The following PRPF3 variants were observed in gnomAD, a reference collection of about 807,000 sequenced individuals.
The protein encoded by PRPF3 is pre-mRNA processing factor 3.
Under a neutral mutation model 89.2 loss-of-function variants are expected in PRPF3, and 3 were observed. The observed-to-expected ratio is 0.03, with a 90% CI of 0.02 to 0.09. The LOEUF is 0.09. Among genes scored for constraint, PRPF3 ranks in the 10% least tolerant of loss-of-function variants. The pLI, the probability that PRPF3 is intolerant of heterozygous loss-of-function variation, is 1.00. For missense variants in PRPF3, 463 were observed against 828.8 expected (o/e 0.56, Z 5.42); for synonymous variants, 270 against 289.1 (o/e 0.93, Z 0.67).
At chr1:150,336,708 A>T (rs1374847547) in intron 7 of PRPF3, among the ~76,000 whole-genome samples, 1 of 151,998 alleles carries the variant, frequency 6.6e-6, no homozygotes, top group Non-Finnish European at 1.5e-5. Flanking sequence ...GTGAGCTGAG[A>T]TCGCACCACT....
intron 6 of PRPF3, 104 bp from the exon 7 acceptor site, chr1:150,334,831 A>T: frequency 7.1e-7 from 1 of 1,409,410 alleles, no homozygotes; most frequent in Non-Finnish European, 9.8e-7. Flanking sequence ...GGCCTCCCAA[A>T]ATGCTGTGGT....
At chr1:150,344,400 T>A (rs1553872342) in intron 11 of PRPF3, 34 bp from the exon 12 acceptor site, 7 of 1,614,174 alleles carry the variant, frequency 4.3e-6, no homozygotes, top group Non-Finnish European at 5.9e-6. Context: ...TTCAATGCCT[T>A]TCTCACTTGT....
chr1:150,347,722 C>T (rs1553873305), intron 14 of PRPF3, among the ~76,000 whole-genome samples: 1 of 149,462 alleles, frequency 6.7e-6, no homozygotes, highest in African/African-American at 2.5e-5. Flanking sequence ...AGCAAGACTC[C>T]ATCTCAAAAA....
chr1:150,338,378 T>G (rs782002951), intron 8 of PRPF3, 52 bp downstream of exon 8: 1 of 1,551,192 alleles, frequency 6.4e-7, no homozygotes, highest in Non-Finnish European at 8.9e-7. Flanking sequence ...TCAGCTGAGT[T>G]TAAGACTCAA....
chr1:150,339,769 A>G (rs1282912306), intron 8 of PRPF3, among the ~76,000 whole-genome samples: 1 of 134,350 alleles, frequency 7.4e-6, no homozygotes, highest in African/African-American at 2.9e-5. Flanking sequence ...TTTAAGACAG[A>G]GTCTCACTCT....
chr1:150,343,509 C>A, intron 10 of PRPF3, 57 bp downstream of exon 10: 1 of 1,590,540 alleles, frequency 6.3e-7, no homozygotes, highest in African/African-American at 1.3e-5. Flanking sequence ...TGTCTTTAAT[C>A]CTGGAGGAAC....
chr1:150,349,049 A>G, intron 14 of PRPF3, 108 bp from the exon 15 acceptor site: 1 of 935,898 alleles, frequency 1.1e-6, no homozygotes, highest in Admixed American at 1.7e-5. Flanking sequence ...CACTTGGTCC[A>G]ACACATAAAA....
intron 7 of PRPF3, 56 bp from the exon 8 acceptor site, chr1:150,338,104 A>G (rs1168395378): frequency 8.6e-5 from 136 of 1,575,848 alleles, no homozygotes; most frequent in Non-Finnish European, 1.1e-4. Flanking sequence ...GATTCTACAC[A>G]TTCTGTTTTC....
intron 12 of PRPF3, among the ~76,000 whole-genome samples, chr1:150,344,875 C>CT (rs1353633419): frequency 1.5e-4 from 22 of 145,178 alleles, no homozygotes; most frequent in Non-Finnish European, 2.7e-4. Flanking sequence ...CATCCTATTT[C>CT]TTTTTTTTTT....
intron 9 of PRPF3, 137 bp from the exon 10 acceptor site, chr1:150,343,172 G>A: frequency 2.5e-6 from 1 of 403,892 alleles, no homozygotes; most frequent in Non-Finnish European, 3.8e-6. Context: ...AACCCAGGAG[G>A]CAGAGGCTAC....
At chr1:150,347,287 C>G (rs1290973987) in intron 14 of PRPF3, among the ~76,000 whole-genome samples, 2 of 151,680 alleles carry the variant, frequency 1.3e-5, no homozygotes, top group Non-Finnish European at 2.9e-5. Flanking sequence ...CACACACACA[C>G]ACATACATAC....
At chr1:150,333,580 A>T (rs1394966797) in intron 6 of PRPF3, among the ~76,000 whole-genome samples, 1 of 151,996 alleles carries the variant, frequency 6.6e-6, no homozygotes, top group Non-Finnish European at 1.5e-5. Flanking sequence ...CAAACAAAAT[A>T]TTACTGATCC....
At position 150,332,680 on chromosome 1, in the gene PRPF3, G is replaced by C; in HGVS notation, c.424-4G>C. The C allele has an allele frequency of 6.2e-7, 1 of 1,614,054 alleles. No homozygotes were observed. Among genetic ancestry groups the C allele is most frequent in the Non-Finnish European group, 8.5e-7 (1 of 1,179,946 alleles). On this transcript the variant is annotated splice_region_variant and splice_polypyrimidine_tract_variant and intron_variant, in intron 4 of 15. Transcript: ENST00000324862. ...AGTTTTTCAATTTTTTTCCTGGAGAGCAGATCAAACAGATGATGGAGGCAG... is the reference window on the plus strand; with the variant it reads ...AGTTTTTCAATTTTTTTCCTGGAGACCAGATCAAACAGATGATGGAGGCAG...
chr1:150,349,267 T>C, intron 15 of PRPF3, 49 bp downstream of exon 15: 1 of 1,286,484 alleles, frequency 7.8e-7, no homozygotes, highest in South Asian at 1.2e-5. Context: ...AACTCCTGAA[T>C]ATTTATACTA....
At chr1:150,346,379 C>G in intron 13 of PRPF3, 29 bp from the exon 14 acceptor site, 2 of 1,597,084 alleles carry the variant, frequency 1.3e-6, no homozygotes, top group Non-Finnish European at 1.7e-6. Flanking sequence ...TTCCACAGTT[C>G]TGGCAAAATT....
intron 1 of PRPF3, among the ~76,000 whole-genome samples, chr1:150,323,133 C>CCAAAGTGTTGGGATTACA (rs1553862617): frequency 7.1e-6 from 1 of 140,462 alleles, no homozygotes; most frequent in Non-Finnish European, 1.5e-5. Flanking sequence ...CCTTGGCCTC[C>CCAAAGTGTTGGGATTACA]CAAAGTGTTG....
rs913982847 is a variant in PRPF3, at chr1:150,332,719, C to T, written c.459C>T (p.Ile153=). 2.0e-5 allele frequency: 32 copies of T among 1,613,932 alleles called. No homozygotes were observed. In the Admixed American group the frequency reaches 2.8e-4, roughly 14 times the overall value. ...KQMMEAATRQ[I]EERKKQLSFI... ...TGATGGAGGCAGCAACACGACAAAT[C>T]GAGGAGAGGAAAAAACAGCTGAGCT... is the stretch of plus-strand genomic sequence containing the variant. Residue 153 remains isoleucine, a synonymous_variant, in exon 5 of 16, where the codon ATC becomes ATT. Coordinates refer to ENST00000324862, the MANE Select transcript of PRPF3 (RefSeq NM_004698.4).
At chr1:150,348,029 C>A (rs1385318619) in intron 14 of PRPF3, among the ~76,000 whole-genome samples, 1 of 152,154 alleles carries the variant, frequency 6.6e-6, no homozygotes, top group African/African-American at 2.4e-5. Flanking sequence ...ATTCTTCTGG[C>A]CATCATACTC....
intron 15 of PRPF3, among the ~76,000 whole-genome samples, chr1:150,351,647 C>T (rs1658936254): frequency 6.6e-6 from 1 of 150,624 alleles, no homozygotes. Context: ...ACCTCAGGTC[C>T]ACACCACTGT....
Sources: allele counts gnomAD v4.1 joint callset (sites outside exome capture counted in the v4.1 genomes callset), GRCh38; gene constraint gnomAD v4.1.1; transcripts MANE v1.5; gene names NCBI Gene and HGNC (gene_info 2026-07-23, HGNC 2026-07-21).